Variants in ROBO2 observed in about 807,000 individuals in gnomAD.
ROBO2 encodes the protein roundabout homolog 2.
In ROBO2, 53 loss-of-function variants were observed where a neutral mutation model predicts 160.8. The ratio of observed to expected loss-of-function variants is 0.33; its 90% CI spans 0.26 to 0.41. The LOEUF (loss-of-function observed/expected upper bound fraction) is 0.41. ROBO2 is among the 10% of genes least tolerant of loss of function. ROBO2 has a pLI of 1.00. For missense variants in ROBO2, 1,577 were observed against 1,722.4 expected (o/e 0.92, Z 1.49); for synonymous variants, 664 against 611.7 (o/e 1.09, Z -1.26).
At chr3:76,556,632 CTTA>C (rs2083810090) in intron 2 of ROBO2, among the ~76,000 whole-genome samples, 2 of 152,138 alleles carry the variant, frequency 1.3e-5, no homozygotes, top group East Asian at 1.9e-4. Flanking sequence ...CATTTCTATG[CTTA>C]TTATCTCATG....
At chr3:77,164,804 T>G (rs1318128208) in intron 2 of ROBO2, among the ~76,000 whole-genome samples, 1 of 4,306 alleles carries the variant, frequency 2.3e-4, no homozygotes, top group African/African-American at 4.5e-4. Context: ...GTCCGGGAGG[T>G]GAGGGGCGCC....
intron 2 of ROBO2, among the ~76,000 whole-genome samples, chr3:77,182,414 AGT>A (rs2080873804): frequency 6.6e-6 from 1 of 152,130 alleles, no homozygotes; most frequent in Non-Finnish European, 1.5e-5. Flanking sequence ...TGTAGAGTAC[AGT>A]GTGATCAGCA....
chr3:77,512,455 C>T (rs2089515065), intron 5 of ROBO2, among the ~76,000 whole-genome samples: 1 of 151,930 alleles, frequency 6.6e-6, no homozygotes, highest in Admixed American at 6.6e-5. Flanking sequence ...TACTAAAATG[C>T]ATGTTTTAAT....
intron 2 of ROBO2, among the ~76,000 whole-genome samples, chr3:76,028,650 G>A (rs1576544892): frequency 6.6e-6 from 1 of 151,832 alleles, no homozygotes; most frequent in East Asian, 1.9e-4. Flanking sequence ...TTTAACTATG[G>A]TGCGGTATAA....
chr3:76,407,567 A>G (rs1429282288), intron 2 of ROBO2, among the ~76,000 whole-genome samples: 1 of 152,034 alleles, frequency 6.6e-6, no homozygotes, highest in Non-Finnish European at 1.5e-5. Context: ...CCATTACTGC[A>G]CACGTTTCTG....
intron 2 of ROBO2, among the ~76,000 whole-genome samples, chr3:76,359,279 T>C (rs895226680): frequency 1.3e-5 from 2 of 151,990 alleles, no homozygotes; most frequent in Non-Finnish European, 1.5e-5. Flanking sequence ...AATGAGCCCT[T>C]TTAGCTAGAA....
intron 2 of ROBO2, among the ~76,000 whole-genome samples, chr3:76,857,178 G>T (rs2070209399): frequency 1.3e-5 from 2 of 152,016 alleles, no homozygotes; most frequent in Non-Finnish European, 2.9e-5. Context: ...GTAGAGACGG[G>T]GTTTCACCGT....
chr3:75,944,369 C>T (rs1948189322), intron 2 of ROBO2, among the ~76,000 whole-genome samples: 1 of 152,092 alleles, frequency 6.6e-6, no homozygotes, highest in African/African-American at 2.4e-5. Flanking sequence ...CTTATTGTTC[C>T]TTTCTAACAC....
At position 76,457,048 on chromosome 3, in the gene ROBO2, A is replaced by T. The variant is rs147740224; in HGVS notation, c.109+519446A>T. 6.6e-3 allele frequency among the ~76,000 whole-genome samples: 1,011 copies of T among 152,200 alleles called. 13 individuals are homozygous for T. The highest frequency in any genetic ancestry group is 0.023 in the African/African-American group (960 of 41,530). On this transcript the variant is annotated intron_variant, in intron 2 of 26. Coordinates refer to the ROBO2 transcript ENST00000487694. ...TGAGATTTGGTGGAGACACAGCCAA[A>T]CCATATCATTCTGTCCCTGGCCCAT...
chr3:77,583,912 C>T (rs1227675428), intron 16 of ROBO2, among the ~76,000 whole-genome samples: 1 of 152,182 alleles, frequency 6.6e-6, no homozygotes, highest in African/African-American at 2.4e-5. Flanking sequence ...AAGACAAAAC[C>T]TCAGTAAAAT....
chr3:76,670,359 T>C (rs1036556249), intron 2 of ROBO2, among the ~76,000 whole-genome samples: 5 of 152,046 alleles, frequency 3.3e-5, no homozygotes, highest in African/African-American at 1.2e-4. Context: ...CAGGTGTGTT[T>C]CTAGGCTAGT....
intron 17 of ROBO2, among the ~76,000 whole-genome samples, chr3:77,594,887 C>T (rs900148887): frequency 6.6e-6 from 1 of 152,102 alleles, no homozygotes; most frequent in South Asian, 2.1e-4. Context: ...CATTTAAATA[C>T]AAATTAGTTC....
At chr3:76,072,625 G>C (rs1004346959) in intron 2 of ROBO2, among the ~76,000 whole-genome samples, 19 of 151,840 alleles carry the variant, frequency 1.3e-4, no homozygotes, top group Non-Finnish European at 2.5e-4. Context: ...TCATATTATG[G>C]CTTAAGCTGT....
intron 2 of ROBO2, among the ~76,000 whole-genome samples, chr3:76,862,238 G>A (rs771718737): frequency 1.3e-5 from 2 of 152,072 alleles, no homozygotes; most frequent in Non-Finnish European, 2.9e-5. Flanking sequence ...ATGGTTACAC[G>A]TAGCTGCAGA....
chr3:76,335,766 C>T (rs574339496), intron 2 of ROBO2, among the ~76,000 whole-genome samples: 78 of 152,046 alleles, frequency 5.1e-4, no homozygotes, highest in Admixed American at 5.1e-3. Context: ...TTAGTAGAGA[C>T]AGGGTTTCAC....
chr3:76,126,188 T>C (rs1278627564), intron 2 of ROBO2, among the ~76,000 whole-genome samples: 1 of 152,150 alleles, frequency 6.6e-6, no homozygotes, highest in Non-Finnish European at 1.5e-5. Flanking sequence ...GTGAATCAGG[T>C]CAAACTCTTT....
intron 2 of ROBO2, among the ~76,000 whole-genome samples, chr3:76,859,107 A>G (rs956941918): frequency 5.9e-5 from 9 of 152,206 alleles, no homozygotes; most frequent in Admixed American, 3.3e-4. Context: ...CATCACTTGC[A>G]TAAACATGAG....
intron 2 of ROBO2, among the ~76,000 whole-genome samples, chr3:76,943,817 T>G (rs1435738329): frequency 6.6e-6 from 1 of 152,210 alleles, no homozygotes; most frequent in Non-Finnish European, 1.5e-5. Context: ...AAATATTGTT[T>G]GGTGATAGAT....
chr3:76,800,841 C>T (rs2064142873), intron 2 of ROBO2, among the ~76,000 whole-genome samples: 1 of 152,016 alleles, frequency 6.6e-6, no homozygotes, highest in Admixed American at 6.6e-5. Context: ...AAAAATAAAA[C>T]TAAAAATAAA....
Sources: allele counts gnomAD v4.1 joint callset (sites outside exome capture counted in the v4.1 genomes callset), GRCh38; gene constraint gnomAD v4.1.1; transcripts MANE v1.5; gene names NCBI Gene and HGNC (gene_info 2026-07-23, HGNC 2026-07-21).